The following ENTREP2 variants were observed in gnomAD, a reference collection of about 807,000 sequenced individuals.
ENTREP2 encodes the protein endosomal transmembrane epsin interactor 2.
At chr15:29,216,292 G>A in the ENTREP2 span, among the ~76,000 whole-genome samples, 1 of 152,166 alleles carries the variant, frequency 6.6e-6, no homozygotes, top group Non-Finnish European at 1.5e-5. Flanking sequence ...TGAAGATAGG[G>A]CCCTGATCCG....
chr15:29,436,114 C>T, the ENTREP2 span, among the ~76,000 whole-genome samples: 1 of 152,168 alleles, frequency 6.6e-6, no homozygotes, highest in Admixed American at 6.5e-5. Flanking sequence ...TCCTGCCATT[C>T]CATCGGGCAG....
chr15:29,223,422 A>G, the ENTREP2 span, among the ~76,000 whole-genome samples: 1 of 152,070 alleles, frequency 6.6e-6, no homozygotes, highest in African/African-American at 2.4e-5. Flanking sequence ...TCTATCTTCC[A>G]TGTGGGGACA....
chr15:29,594,211 G>A, the ENTREP2 span, among the ~76,000 whole-genome samples: 1 of 152,174 alleles, frequency 6.6e-6, no homozygotes, highest in Admixed American at 6.5e-5. Flanking sequence ...GAAACAGATA[G>A]GGAGGATAAG....
chr15:29,167,432 C>T, the ENTREP2 span, among the ~76,000 whole-genome samples: 2 of 152,094 alleles, frequency 1.3e-5, no homozygotes, highest in African/African-American at 4.8e-5. Context: ...TGACAAAGGA[C>T]TAATATCCAG....
the ENTREP2 span, among the ~76,000 whole-genome samples, chr15:29,546,615 G>C: frequency 6.6e-6 from 1 of 152,060 alleles, no homozygotes. Flanking sequence ...GGCCAGGCAC[G>C]GTGGCTCATG....
chr15:29,458,523 T>C, the ENTREP2 span, among the ~76,000 whole-genome samples: 1 of 151,940 alleles, frequency 6.6e-6, no homozygotes, highest in Non-Finnish European at 1.5e-5. Flanking sequence ...CCAGCTCTTC[T>C]CAAAGCCTCC....
At chr15:29,132,823 C>T in the ENTREP2 span, among the ~76,000 whole-genome samples, 1 of 152,118 alleles carries the variant, frequency 6.6e-6, no homozygotes, top group Non-Finnish European at 1.5e-5. Flanking sequence ...CTGGGCTCCA[C>T]GGACAGGGGT....
At chr15:29,342,410 G>T in the ENTREP2 span, among the ~76,000 whole-genome samples, 766 of 152,308 alleles carry the variant, frequency 5.0e-3, 3 homozygotes, top group Non-Finnish European at 8.5e-3. Flanking sequence ...AGAGATTCTT[G>T]GTTGTTCTCA....
At chr15:29,451,716 T>TC in the ENTREP2 span, among the ~76,000 whole-genome samples, 1 of 152,032 alleles carries the variant, frequency 6.6e-6, no homozygotes, top group South Asian at 2.1e-4. Flanking sequence ...CTTGCAGGGC[T>TC]CCCTCGAGGG....
chr15:29,223,577 A>G, the ENTREP2 span, among the ~76,000 whole-genome samples: 5 of 152,152 alleles, frequency 3.3e-5, no homozygotes, highest in Non-Finnish European at 5.9e-5. Flanking sequence ...ACCCCCTAAA[A>G]ATGAGCTATA....
the ENTREP2 span, among the ~76,000 whole-genome samples, chr15:29,674,458 CG>C: frequency 6.6e-6 from 1 of 152,086 alleles, no homozygotes; most frequent in East Asian, 1.9e-4. Context: ...TTAGTTGAGA[CG>C]GGGTTTCACC....
At chr15:29,653,458 C>T in the ENTREP2 span, among the ~76,000 whole-genome samples, 2 of 152,198 alleles carry the variant, frequency 1.3e-5, no homozygotes, top group African/African-American at 4.8e-5. Flanking sequence ...CCATAATCCC[C>T]ACACATCAAG....
the ENTREP2 span, among the ~76,000 whole-genome samples, chr15:29,549,116 C>T: frequency 6.6e-6 from 1 of 152,144 alleles, no homozygotes; most frequent in South Asian, 2.1e-4. Flanking sequence ...CTCTACCTCA[C>T]TTCTGTTTCT....
chr15:29,337,833 A>G, the ENTREP2 span, among the ~76,000 whole-genome samples: 2 of 152,114 alleles, frequency 1.3e-5, no homozygotes, highest in Non-Finnish European at 2.9e-5. Context: ...CAATTTCCCT[A>G]TGATCCTAAA....
chr15:29,343,576 CTCTCTCTCTT>C, the ENTREP2 span, among the ~76,000 whole-genome samples: 1,732 of 150,928 alleles, frequency 0.011, 40 homozygotes, highest in African/African-American at 0.039. Context: ...ACCAGGCGCT[CTCTCTCTCTT>C]TCTCTCTCTT....
the ENTREP2 span, among the ~76,000 whole-genome samples, chr15:29,270,250 T>G: frequency 6.6e-6 from 1 of 152,318 alleles, no homozygotes; most frequent in East Asian, 1.9e-4. Flanking sequence ...TCCACCCAAT[T>G]TCATACCCTC....
chr15:29,372,460 T>C, the ENTREP2 span, among the ~76,000 whole-genome samples: 1 of 152,220 alleles, frequency 6.6e-6, no homozygotes, highest in East Asian at 1.9e-4. Context: ...TGCTTACTTG[T>C]AGTTAAGTTT....
chr15:29,117,817 C>T, the ENTREP2 span: 5 of 151,308 alleles, frequency 3.3e-5, no homozygotes, highest in South Asian at 8.3e-4. Context: ...ATGACCACAC[C>T]TGCCTCTCCC....
chr15:29,151,924 T>A, the ENTREP2 span: 1 of 940,576 alleles, frequency 1.1e-6, no homozygotes, highest in Non-Finnish European at 1.5e-6. Flanking sequence ...GGGCCCAGAA[T>A]GAGCCGAGGT....
Sources: gnomAD v4.1 joint callset for allele counts (sites outside exome capture counted in the v4.1 genomes callset) on GRCh38, gnomAD v4.1.1 for gene constraint, MANE v1.5 for transcripts, NCBI Gene and HGNC (gene_info 2026-07-23, HGNC 2026-07-21) for gene names.